The following LARP4B variants were observed in gnomAD, a reference collection of about 807,000 sequenced individuals.
LARP4B encodes the protein La ribonucleoprotein 4B.
In LARP4B, 12 loss-of-function variants were observed where a neutral mutation model predicts 89.8. That is an observed-to-expected ratio of 0.13 (90% CI 0.09 to 0.22). The LOEUF (loss-of-function observed/expected upper bound fraction) is 0.22, where lower values mean the gene tolerates loss of function less well. LARP4B is among the 10% of genes least tolerant of loss of function. The pLI is 1.00. For synonymous variants in LARP4B, 367 were observed against 363.3 expected, an observed-to-expected ratio of 1.01 and a Z score of -0.12; for missense variants, 757 against 947.7, an observed-to-expected ratio of 0.80 and a Z score of 2.64.
the LARP4B span, among the ~76,000 whole-genome samples, chr10:984,582 G>T: frequency 2.0e-5 from 3 of 152,132 alleles, no homozygotes; most frequent in Non-Finnish European, 4.4e-5. Context: ...GCACAGGAAC[G>T]GAATTCTCAC....
At chr10:952,057 G>A in the LARP4B span, among the ~76,000 whole-genome samples, 1 of 151,740 alleles carries the variant, frequency 6.6e-6, no homozygotes, top group Non-Finnish European at 1.5e-5. Flanking sequence ...GGAAGAAATC[G>A]GCCTGGTGCA....
At chr10:852,731 G>A (rs998795575) in intron 5 of LARP4B, among the ~76,000 whole-genome samples, 1 of 152,136 alleles carries the variant, frequency 6.6e-6, no homozygotes, top group Non-Finnish European at 1.5e-5. Context: ...AAAATCCAAT[G>A]TAATCTACAA....
chr10:851,491 C>T (rs1045611644), intron 5 of LARP4B, among the ~76,000 whole-genome samples: 1 of 152,058 alleles, frequency 6.6e-6, no homozygotes, highest in Admixed American at 6.6e-5. Context: ...ACAGAAAACA[C>T]CTTTTGATAA....
intron 5 of LARP4B, among the ~76,000 whole-genome samples, chr10:852,662 C>T (rs1184531941): frequency 6.6e-6 from 1 of 152,104 alleles, no homozygotes; most frequent in Admixed American, 6.5e-5. Flanking sequence ...TAAAAGGCAT[C>T]AAGATTGGAG....
At chr10:893,998 A>G (rs1028193887) in intron 1 of LARP4B, among the ~76,000 whole-genome samples, 1 of 152,232 alleles carries the variant, frequency 6.6e-6, no homozygotes, top group Non-Finnish European at 1.5e-5. Flanking sequence ...TGATCAGGGC[A>G]AGAACCACAG....
At chr10:848,579 GAAAA>G (rs1006413199) in intron 5 of LARP4B, among the ~76,000 whole-genome samples, 1 of 142,120 alleles carries the variant, frequency 7.0e-6, no homozygotes, top group Admixed American at 6.9e-5. Flanking sequence ...AAAAAAAAAA[GAAAA>G]AACTTATAGA....
At chr10:824,960 A>AC in intron 13 of LARP4B, 105 bp downstream of exon 13, 1 of 1,175,480 alleles carries the variant, frequency 8.5e-7, no homozygotes, top group Non-Finnish European at 1.1e-6. Context: ...GCCTTCAGTT[A>AC]GATTTTCTGT....
chr10:956,597 G>A, the LARP4B span, among the ~76,000 whole-genome samples: 48 of 152,078 alleles, frequency 3.2e-4, no homozygotes, highest in Non-Finnish European at 5.7e-4. The surrounding 1 kb of genome is among the most constrained non-coding windows in gnomAD (Gnocchi z 4.3). Context: ...CGCCCGCCTC[G>A]GTATCCTCGG....
chr10:971,292 G>A, the LARP4B span: 8 of 152,104 alleles, frequency 5.3e-5, no homozygotes, highest in Non-Finnish European at 7.3e-5. Flanking sequence ...CAAGTATGAC[G>A]TAATGCTGCT....
chr10:876,721 T>C (rs1390980365), intron 3 of LARP4B, among the ~76,000 whole-genome samples: 1 of 78,382 alleles, frequency 1.3e-5, no homozygotes, highest in Non-Finnish European at 2.5e-5. Context: ...CCCATGACTC[T>C]ACTAGGCAAT....
intron 1 of LARP4B, among the ~76,000 whole-genome samples, chr10:924,850 C>T (rs1315712058): frequency 6.6e-6 from 1 of 152,236 alleles, no homozygotes; most frequent in African/African-American, 2.4e-5. Context: ...GGCAATCTAT[C>T]CCTCTTGTTC....
the LARP4B span, among the ~76,000 whole-genome samples, chr10:975,336 C>G: frequency 6.6e-6 from 1 of 152,192 alleles, no homozygotes; most frequent in Non-Finnish European, 1.5e-5. Flanking sequence ...GTTTTATTTA[C>G]TAATGTCCCC....
intron 3 of LARP4B, among the ~76,000 whole-genome samples, chr10:866,114 C>A (rs1167121756): frequency 6.6e-6 from 1 of 152,180 alleles, no homozygotes; most frequent in South Asian, 2.1e-4. Context: ...GTGGTTTGTT[C>A]GTTCCTGCTC....
chr10:933,581 C>G (rs1459170348), upstream of LARP4B, among the ~76,000 whole-genome samples: 1 of 152,142 alleles, frequency 6.6e-6, no homozygotes, highest in African/African-American at 2.4e-5. Context: ...TAATTATATT[C>G]ATAGTAATGT....
At chr10:984,500 A>T in the LARP4B span, among the ~76,000 whole-genome samples, 1 of 152,274 alleles carries the variant, frequency 6.6e-6, no homozygotes, top group African/African-American at 2.4e-5. Context: ...ACCCATAGAA[A>T]CACCCCTTAT....
intron 3 of LARP4B, chr10:873,208 A>G (rs935465973): frequency 3.0e-6 from 3 of 985,416 alleles, no homozygotes; most frequent in African/African-American, 1.7e-5. Flanking sequence ...CGCACCTCAC[A>G]GTAACTTGCT....
At chr10:843,309 AT>A (rs1376183849) in intron 6 of LARP4B, among the ~76,000 whole-genome samples, 1 of 152,216 alleles carries the variant, frequency 6.6e-6, no homozygotes, top group Non-Finnish European at 1.5e-5. Flanking sequence ...TACAATCAAA[AT>A]TTATGAGAAG....
intron 13 of LARP4B, among the ~76,000 whole-genome samples, chr10:821,879 C>T (rs142121564): frequency 3.2e-4 from 49 of 152,314 alleles, no homozygotes; most frequent in African/African-American, 1.0e-3. Flanking sequence ...CTTGCGGAGA[C>T]TGCAGGCCAG....
intron 5 of LARP4B, among the ~76,000 whole-genome samples, chr10:845,602 A>G (rs951215699): frequency 2.0e-5 from 3 of 152,228 alleles, no homozygotes; most frequent in African/African-American, 7.2e-5. Context: ...ATGATAAATA[A>G]ACCAGATCTT....
Sources: allele counts gnomAD v4.1 joint callset (sites outside exome capture counted in the v4.1 genomes callset), GRCh38; gene constraint gnomAD v4.1.1; non-coding constraint Gnocchi (gnomAD v3.1); transcripts MANE v1.5; gene names NCBI Gene and HGNC (gene_info 2026-07-23, HGNC 2026-07-21).